The following ANGPTL4 variants were observed in gnomAD, a reference collection of about 807,000 sequenced individuals.
ANGPTL4 encodes angiopoietin like 4.
Under a neutral mutation model 39.2 loss-of-function variants are expected in ANGPTL4, and 39 were observed. That is an observed-to-expected ratio of 1.00 (90% CI 0.77 to 1.30). The LOEUF is 1.30. ANGPTL4 is among the 50% of genes most tolerant of loss of function. The pLI is 0.00. For synonymous variants in ANGPTL4, 233 were observed against 229.5 expected (o/e 1.02, Z -0.14); for missense variants, 545 against 549.8 (o/e 0.99, Z 0.09).
chr19:8,364,866 C>T (rs1401632968), intron 1 of ANGPTL4, among the ~76,000 whole-genome samples: 2 of 143,552 alleles, frequency 1.4e-5, no homozygotes, highest in African/African-American at 5.9e-5. Context: ...CTCTTCTACA[C>T]ACACACACAC....
intron 3 of ANGPTL4, among the ~76,000 whole-genome samples, chr19:8,368,722 G>A (rs1036440447): frequency 6.6e-6 from 1 of 152,334 alleles, no homozygotes; most frequent in East Asian, 1.9e-4. Flanking sequence ...GTCGGGCGTG[G>A]TGGCACATGC....
At chr19:8,365,863 G>A (rs1003360270) in intron 1 of ANGPTL4, 91 bp from the exon 2 acceptor site, 184 of 975,096 alleles carry the variant, frequency 1.9e-4, no homozygotes, top group Non-Finnish European at 2.6e-4. Flanking sequence ...TGGCCTCAGC[G>A]GATGGAGATT....
chr19:8,364,471 G>A lies in ANGPTL4; in HGVS notation c.150G>A (p.Gln50=), dbSNP rs1388266377. 2 of 1,563,372 alleles carry A rather than the reference G, an allele frequency of 1.3e-6. No individual in the cohort carries two copies. Among genetic ancestry groups the A allele is most frequent in the Non-Finnish European group, 1.7e-6 (2 of 1,155,546 alleles). The change falls in exon 1 of 7, where the codon CAG becomes CAA. Residue 50 remains glutamine, a synonymous_variant. Transcript: ENST00000301455. The part of the protein sequence containing the change: ...EMNVLAHGLL[Q]LGQGLREHAE... ...ATGTCCTGGCGCACGGACTCCTGCA[G>A]CTCGGCCAGGGGCTGCGCGAACACG...
At position 8,364,328 on chromosome 19, in the gene ANGPTL4, G is replaced by C; in HGVS notation, c.7G>C (p.Gly3Arg). 3 of 1,544,290 alleles carry C rather than the reference G, an allele frequency of 1.9e-6. No individual in the cohort carries two copies. Among genetic ancestry groups the C allele is most frequent in the Non-Finnish European group, 2.6e-6 (3 of 1,149,424 alleles). Residue 3 changes from glycine (G) to arginine (R), a missense_variant, in exon 1 of 7, where the codon GGT becomes CGT. Gly to Arg is a moderately radical substitution (Grantham distance 125). Coordinates refer to ENST00000301455, the MANE Select transcript of ANGPTL4 (RefSeq NM_139314.3). ...TCCCAGGCTACCTAAGAGGATGAGC[G>C]GTGCTCCGACGGCCGGGGCAGCCCT... is the stretch of plus-strand genomic sequence containing the variant. MS[G>R]APTAGAALML... is the part of the protein sequence containing the mutation.
chr19:8,365,011 A>C (rs915357352), intron 1 of ANGPTL4, among the ~76,000 whole-genome samples: 2 of 152,186 alleles, frequency 1.3e-5, no homozygotes, highest in African/African-American at 4.8e-5. Flanking sequence ...TCTACTAAAA[A>C]TACAAAAAAT....
intron 3 of ANGPTL4, among the ~76,000 whole-genome samples, chr19:8,369,018 A>G (rs769179227): frequency 2.0e-5 from 3 of 152,196 alleles, no homozygotes; most frequent in Non-Finnish European, 4.4e-5. Flanking sequence ...CTGGTCCTCC[A>G]GGTGCCTTGT....
rs761257386 is a variant in ANGPTL4, at chr19:8,371,364, G to C, written c.881G>C (p.Gly294Ala). Residue 294 changes from glycine to alanine, a missense_variant, in exon 6 of 7, where the codon GGT (glycine) becomes GCT (alanine). By Grantham distance (60) the Gly-to-Ala change is moderately conservative. Transcript: ENST00000301455. The surrounding 1 kb of genome is among the most constrained non-coding windows in gnomAD (Gnocchi z 5.1). ...TTGCTGCAGTTCTCCGTGCACCTGG[G>C]TGGCGAGGACACGGCCTATAGCCTG... ...AELLQFSVHL[G>A]GEDTAYSLQL... 1.9e-6 allele frequency: 3 copies of C among 1,613,672 alleles called. No individual in the cohort carries two copies. Among genetic ancestry groups the C allele is most frequent in the Non-Finnish European group, 2.5e-6 (3 of 1,180,034 alleles).
At chr19:8,373,520 G>A (rs572903620) in intron 6 of ANGPTL4, 185 bp from the exon 7 acceptor site, 1 of 209,954 alleles carries the variant, frequency 4.8e-6, no homozygotes, top group Non-Finnish European at 8.2e-6. Flanking sequence ...GCAGTGAGCT[G>A]AGATCGCACC....
chr19:8,372,686 T>C (rs771807474), intron 6 of ANGPTL4, among the ~76,000 whole-genome samples: 1 of 151,672 alleles, frequency 6.6e-6, no homozygotes, highest in Non-Finnish European at 1.5e-5. Flanking sequence ...CCCATCTACT[T>C]GGGAGGCTGA....
chr19:8,371,163 T>C lies in ANGPTL4; in HGVS notation c.757+12T>C, dbSNP rs1350602489. ...TGGGGATCCCCACGGTAGGTGTTTC[T>C]AGTGGGGACAGAGGCAGGGGAGGAA... On this transcript the variant is annotated intron_variant, in intron 5 of 6. Transcript: ENST00000301455. This position sits in a 1 kb window ranked among gnomAD's most constrained non-coding sequence, Gnocchi z 5.1. 2 of 1,613,988 alleles carry C rather than the reference T, an allele frequency of 1.2e-6. No individual in the cohort carries two copies. Among genetic ancestry groups the C allele is most frequent in the Admixed American group, 1.7e-5 (1 of 59,990 alleles).
Position 8,371,028 on chromosome 19 carries a change from C to A in ANGPTL4, c.662-28C>A, listed in dbSNP as rs1034702074. ...TGGGGTCGTCTGTGAAGAGGGACTTCCTGGTGACCTTGTACCTTTCTGGGC... is the reference window on the plus strand; with the variant it reads ...TGGGGTCGTCTGTGAAGAGGGACTTACTGGTGACCTTGTACCTTTCTGGGC... On this transcript the variant is annotated intron_variant, in intron 4 of 6. Coordinates refer to ENST00000301455, the MANE Select transcript of ANGPTL4 (RefSeq NM_139314.3). The surrounding 1 kb of genome is among the most constrained non-coding windows in gnomAD (Gnocchi z 5.1). 3.2e-6 allele frequency: 5 copies of A among 1,563,364 alleles called. No individual in the cohort carries two copies. Among genetic ancestry groups the A allele is most frequent in the Non-Finnish European group, 4.3e-6 (5 of 1,153,220 alleles).
Position 8,371,579 on chromosome 19 carries a change from C to T in ANGPTL4, c.1039+57C>T, listed in dbSNP as rs745565367. The T allele has an allele frequency of 6.2e-7, 1 of 1,604,606 alleles. No individual in the cohort carries two copies. The highest frequency in any genetic ancestry group is 8.5e-7 in the Non-Finnish European group (1 of 1,177,656). Reference sequence around the variant, plus strand: ...AGCAGCTTCCCTCCTTATCTTTCTGCTGCTCTGTCCTGCCTTCAACCCCAC... The same window carrying T: ...AGCAGCTTCCCTCCTTATCTTTCTGTTGCTCTGTCCTGCCTTCAACCCCAC... On this transcript the variant is annotated intron_variant, in intron 6 of 6. Transcript: ENST00000301455. This position sits in a 1 kb window ranked among gnomAD's most constrained non-coding sequence, Gnocchi z 5.1.
At chr19:8,370,665 G>T (rs539339103) in intron 4 of ANGPTL4, among the ~76,000 whole-genome samples, 1 of 140,624 alleles carries the variant, frequency 7.1e-6, no homozygotes, top group South Asian at 2.2e-4. Flanking sequence ...GCGGCACTGC[G>T]ATCCAGCCTG....
chr19:8,373,747 G>A lies in ANGPTL4; in HGVS notation c.1082G>A (p.Gly361Asp). Reference protein sequence around the residue: ...FGTCSHSNLNGQYFRSIPQQR... With the variant: ...FGTCSHSNLNDQYFRSIPQQR... Reference sequence around the variant, plus strand: ...ACCTGCAGCCATTCCAACCTCAACGGCCAGTACTTCCGCTCCATCCCACAG... The same window carrying A: ...ACCTGCAGCCATTCCAACCTCAACGACCAGTACTTCCGCTCCATCCCACAG... The change falls in exon 7 of 7, where the codon GGC becomes GAC. Residue 361 changes from glycine (G) to aspartate (D), a missense_variant. Transcript: ENST00000301455. The A allele has an allele frequency of 1.2e-6, 2 of 1,613,952 alleles. No homozygotes were observed. The highest frequency in any genetic ancestry group is 1.7e-6 in the Non-Finnish European group (2 of 1,180,030).
chr19:8,364,406 C>G lies in ANGPTL4; in HGVS notation c.85C>G (p.Gln29Glu). The change falls in exon 1 of 7, where the codon CAG becomes GAG. Residue 29 changes from glutamine to glutamate, a missense_variant. By Grantham distance (29) the Gln-to-Glu change is conservative (BLOSUM62 2). Transcript: ENST00000301455. ...VLLSAQGGPV[Q>E]SKSPRFASWD... is the part of the protein sequence containing the mutation. ...ACTGAGCGCTCAGGGCGGACCCGTG[C>G]AGTCCAAGTCGCCGCGCTTTGCGTC... 2 of 1,547,280 alleles carry G rather than the reference C, an allele frequency of 1.3e-6. No individual in the cohort carries two copies. Among genetic ancestry groups the G allele is most frequent in the South Asian group, 2.4e-5 (2 of 84,384 alleles).
Position 8,365,870 on chromosome 19 carries a change from G to A in ANGPTL4, c.319-84G>A. ...CCCTTGCCTGGCCTCAGCGGATGGA[G>A]ATTTGGAAGGATGGATGAGTGGATG... is the stretch of plus-strand genomic sequence containing the variant. On this transcript the variant is annotated intron_variant, in intron 1 of 6. Transcript: ENST00000301455. The A allele has an allele frequency of 2.9e-6, 3 of 1,049,422 alleles. No homozygotes were observed. The South Asian group carries it at 3.9e-5, about 14-fold the overall frequency. 65.0% of individuals were successfully genotyped at this position (1,049,422 alleles called of 1,614,324 possible).
intron 4 of ANGPTL4, among the ~76,000 whole-genome samples, chr19:8,370,760 A>G (rs1389859009): frequency 6.6e-6 from 1 of 151,664 alleles, no homozygotes; most frequent in African/African-American, 2.4e-5. Context: ...TTTCCATTAC[A>G]AGAGGTTACA....
intron 4 of ANGPTL4, among the ~76,000 whole-genome samples, chr19:8,369,595 A>G (rs1971075494): frequency 6.6e-6 from 1 of 151,764 alleles, no homozygotes. Context: ...CTGAGACTAC[A>G]GGTGCGAGCA....
chr19:8,366,864 C>A (rs983383440), intron 3 of ANGPTL4, among the ~76,000 whole-genome samples: 7 of 151,910 alleles, frequency 4.6e-5, no homozygotes, highest in Non-Finnish European at 7.4e-5. Flanking sequence ...CTCTTGTTCT[C>A]CTCCTCCCTC....
Sources: gnomAD v4.1 joint callset for allele counts (sites outside exome capture counted in the v4.1 genomes callset) on GRCh38, gnomAD v4.1.1 for gene constraint, Gnocchi (gnomAD v3.1) non-coding constraint, MANE v1.5 for transcripts, NCBI Gene and HGNC (gene_info 2026-07-23, HGNC 2026-07-21) for gene names.